AGPAT3: variants seen among roughly 807,000 people sequenced by gnomAD.
AGPAT3 encodes 1-acylglycerol-3-phosphate O-acyltransferase 3, also known as 1-acyl-sn-glycerol-3-phosphate acyltransferase gamma.
Under a neutral mutation model 47.3 loss-of-function variants are expected in AGPAT3, and 5 were observed. The ratio of observed to expected loss-of-function variants is 0.11; its 90% CI spans 0.06 to 0.22. AGPAT3 has a LOEUF of 0.22. Among genes scored for constraint, AGPAT3 ranks in the 10% least tolerant of loss-of-function variants. The pLI, the probability that AGPAT3 is intolerant of heterozygous loss-of-function variation, is 1.00. For synonymous variants in AGPAT3, 212 were observed against 208.3 expected (o/e 1.02, Z -0.15); for missense variants, 315 against 493.0 (o/e 0.64, Z 3.42).
intron 8 of AGPAT3, among the ~76,000 whole-genome samples, chr21:43,978,441 T>C (rs2089707130): frequency 6.6e-6 from 1 of 152,234 alleles, no homozygotes; most frequent in Non-Finnish European, 1.5e-5. Context: ...TGGCTGGAGC[T>C]ACAGGCGCAA....
Position 43,983,628 on chromosome 21 carries a change from T to G in AGPAT3, c.*1236T>G, listed in dbSNP as rs887291450. 18 of 152,278 alleles carry G rather than the reference T, an allele frequency of 1.2e-4. No individual in the cohort carries two copies. The highest frequency in any genetic ancestry group is 6.5e-5 in the Admixed American group (1 of 15,286). 9.4% of individuals were successfully genotyped at this position (152,278 alleles called of 1,614,324 possible). A position where few individuals can be genotyped will look rare whatever the true frequency, so the allele number is the denominator to read the frequency against. On this transcript the variant is annotated 3_prime_UTR_variant, in exon 10 of 10. Coordinates refer to ENST00000291572, the MANE Select transcript of AGPAT3 (RefSeq NM_020132.5). Reference sequence around the variant, plus strand: ...CTCCCTTGGCCTTGCAGCGAGCCCCTGGCCCACGCCGAGCGAGGGATGCTT... The same window carrying G: ...CTCCCTTGGCCTTGCAGCGAGCCCCGGGCCCACGCCGAGCGAGGGATGCTT...
chr21:43,876,316 A>G (rs936995843), intron 1 of AGPAT3, among the ~76,000 whole-genome samples: 35 of 152,190 alleles, frequency 2.3e-4, no homozygotes, highest in African/African-American at 8.2e-4. Flanking sequence ...TGAGGGTTGG[A>G]CTCCGCCACT....
rs1246241331 is a variant in AGPAT3 at position 43,954,109 on chromosome 21, C to T, written c.-48-5525C>T. ...TCTCATGGGCTCACGAGCAAATGCTCTAGGGGGCCACTGAGTCCAGGCCCC... is the reference window on the plus strand; with the variant it reads ...TCTCATGGGCTCACGAGCAAATGCTTTAGGGGGCCACTGAGTCCAGGCCCC... On this transcript the variant is annotated intron_variant, in intron 2 of 9. Coordinates refer to ENST00000291572, the MANE Select transcript of AGPAT3 (RefSeq NM_020132.5). The surrounding 1 kb of genome is among the most constrained non-coding windows in gnomAD (Gnocchi z 4.0). Among the ~76,000 whole-genome samples, 1 of 152,264 alleles carries T rather than the reference C, an allele frequency of 6.6e-6. No individual in the cohort carries two copies. Among genetic ancestry groups the T allele is most frequent in the Non-Finnish European group, 1.5e-5 (1 of 68,036 alleles).
intron 2 of AGPAT3, among the ~76,000 whole-genome samples, chr21:43,938,700 G>A (rs1022195127): frequency 6.6e-5 from 10 of 152,152 alleles, no homozygotes; most frequent in Non-Finnish European, 1.0e-4. Context: ...TTGCCTTACC[G>A]TGTTTGTTAC....
intron 1 of AGPAT3, among the ~76,000 whole-genome samples, chr21:43,879,524 G>T (rs1305935441): frequency 6.6e-6 from 1 of 150,380 alleles, no homozygotes; most frequent in Non-Finnish European, 1.5e-5. Context: ...TCGGTGGGAA[G>T]TGCTGGGTGG....
chr21:43,906,877 C>T lies in AGPAT3; in HGVS notation c.-49+2858C>T, dbSNP rs962227265. Among the ~76,000 whole-genome samples the T allele has an allele frequency of 6.6e-5, 10 of 152,312 alleles. No individual in the cohort carries two copies. In the Middle Eastern group the frequency reaches 0.01, roughly 155 times the overall value. ...ACACACACATGCTGGGTGGAAGAAG[C>T]GCAGTGGGTCAGCACATGTGCAAGG... is the stretch of plus-strand genomic sequence containing the variant. On this transcript the variant is annotated intron_variant, in intron 2 of 9. Transcript: ENST00000291572.
chr21:43,978,008 G>A (rs1034750409), intron 7 of AGPAT3, 38 bp from the exon 8 acceptor site: 1 of 1,560,764 alleles, frequency 6.4e-7, no homozygotes, highest in Non-Finnish European at 8.8e-7. Flanking sequence ...GAGGTCATGT[G>A]GTGATTCACC....
intron 2 of AGPAT3, among the ~76,000 whole-genome samples, chr21:43,924,608 G>T (rs1165554869): frequency 6.6e-6 from 1 of 152,348 alleles, no homozygotes; most frequent in East Asian, 1.9e-4. Flanking sequence ...CCATGCCGCA[G>T]AGACCCTGAC....
At position 43,939,537 on chromosome 21, in the gene AGPAT3, C is replaced by T. The variant is rs1396691331; in HGVS notation, c.-48-20097C>T. On this transcript the variant is annotated intron_variant, in intron 2 of 9. Coordinates refer to ENST00000291572, the MANE Select transcript of AGPAT3 (RefSeq NM_020132.5). The surrounding 1 kb of genome is among the most constrained non-coding windows in gnomAD (Gnocchi z 4.4). Reference sequence around the variant, plus strand: ...CAGCGTGGGAGCTCTGAACATGGGACCCGGAGCACCACCGTTTAGCAAACC... The same window carrying T: ...CAGCGTGGGAGCTCTGAACATGGGATCCGGAGCACCACCGTTTAGCAAACC... 6.6e-6 allele frequency among the ~76,000 whole-genome samples: 1 copy of T among 152,214 alleles called. No homozygotes were observed. The highest frequency in any genetic ancestry group is 1.5e-5 in the Non-Finnish European group (1 of 68,034).
chr21:43,982,424 G>T lies in AGPAT3; in HGVS notation c.*32G>T. On this transcript the variant is annotated 3_prime_UTR_variant, in exon 10 of 10. Transcript: ENST00000291572. The surrounding 1 kb of genome is among the most constrained non-coding windows in gnomAD (Gnocchi z 6.2). ...GCTGTGACTGAACACACGCGGCCCTGACGGTGGTATCCAGTTAACTCAAAA... is the reference window on the plus strand; with the variant it reads ...GCTGTGACTGAACACACGCGGCCCTTACGGTGGTATCCAGTTAACTCAAAA... 1 of 1,518,380 alleles carries T rather than the reference G, an allele frequency of 6.6e-7. No individual in the cohort carries two copies. Among genetic ancestry groups the T allele is most frequent in the South Asian group, 1.1e-5 (1 of 88,510 alleles). 94.1% of individuals were successfully genotyped at this position (1,518,380 alleles called of 1,614,324 possible). A position where few individuals can be genotyped will look rare whatever the true frequency, so the allele number is the denominator to read the frequency against.
At chr21:43,961,324 A>G (rs529415631) in intron 3 of AGPAT3, among the ~76,000 whole-genome samples, 2 of 152,280 alleles carry the variant, frequency 1.3e-5, no homozygotes, top group East Asian at 3.9e-4. Flanking sequence ...GTGAGCGCAT[A>G]GACACTTTGT....
chr21:43,902,479 T>C (rs1359924416), intron 1 of AGPAT3, among the ~76,000 whole-genome samples: 1 of 152,244 alleles, frequency 6.6e-6, no homozygotes, highest in East Asian at 1.9e-4. Flanking sequence ...AATTTATTTC[T>C]CACAGTTCTG....
At chr21:43,879,470 G>A (rs992354582) in intron 1 of AGPAT3, among the ~76,000 whole-genome samples, 6 of 151,720 alleles carry the variant, frequency 4.0e-5, no homozygotes, top group African/African-American at 1.5e-4. Flanking sequence ...TGTGAAAAGG[G>A]ACCGCGGGTG....
chr21:43,905,690 T>C (rs1270211449), intron 2 of AGPAT3, among the ~76,000 whole-genome samples: 1 of 152,232 alleles, frequency 6.6e-6, no homozygotes, highest in African/African-American at 2.4e-5. Flanking sequence ...GTTTAAACTG[T>C]TAAATTGTTG....
intron 1 of AGPAT3, among the ~76,000 whole-genome samples, chr21:43,868,878 G>T (rs1446639563): frequency 6.6e-6 from 1 of 152,186 alleles, no homozygotes; most frequent in Non-Finnish European, 1.5e-5. Context: ...AACTGAGTGG[G>T]GAAGTGTGGC....
chr21:43,885,002 G>A (rs1024610271), intron 1 of AGPAT3, among the ~76,000 whole-genome samples: 20 of 152,242 alleles, frequency 1.3e-4, no homozygotes, highest in Admixed American at 1.0e-3. Flanking sequence ...CATGCCCCGT[G>A]GCATTCTCTT....
chr21:43,919,521 G>A (rs8134181), intron 2 of AGPAT3, among the ~76,000 whole-genome samples: 4,141 of 152,218 alleles, frequency 0.027, 165 homozygotes, highest in African/African-American at 0.078. Context: ...TATGGACCAC[G>A]TGTTCTTTAT....
At chr21:43,890,865 G>A (rs185707938) in intron 1 of AGPAT3, among the ~76,000 whole-genome samples, 80 of 152,224 alleles carry the variant, frequency 5.3e-4, no homozygotes, top group Non-Finnish European at 1.1e-3. Flanking sequence ...AGCCTCCTGA[G>A]TAGCTGGGAC....
At chr21:43,910,123 G>C (rs1222584459) in intron 2 of AGPAT3, among the ~76,000 whole-genome samples, 1 of 152,252 alleles carries the variant, frequency 6.6e-6, no homozygotes, top group Non-Finnish European at 1.5e-5. Context: ...AGCCTGCAGG[G>C]TGTGACTCAC....
Sources: allele counts gnomAD v4.1 joint callset (sites outside exome capture counted in the v4.1 genomes callset), GRCh38; gene constraint gnomAD v4.1.1; non-coding constraint Gnocchi (gnomAD v3.1); transcripts MANE v1.5; gene names NCBI Gene and HGNC (gene_info 2026-07-23, HGNC 2026-07-21).